Variants in SP3 observed in about 807,000 individuals in gnomAD.
SP3 encodes the protein Sp3 transcription factor, also known as transcription factor Sp3.
SP3 carries 10 observed loss-of-function variants against 70.3 expected under a neutral mutation model. The ratio of observed to expected loss-of-function variants is 0.14; its 90% CI spans 0.09 to 0.24. The LOEUF (loss-of-function observed/expected upper bound fraction) is 0.24. Among genes scored for constraint, SP3 ranks in the 10% least tolerant of loss-of-function variants. SP3 has a pLI of 1.00. For missense variants in SP3, 825 were observed against 914.6 expected, an observed-to-expected ratio of 0.90 and a Z score of 1.26; for synonymous variants, 402 against 333.5, an observed-to-expected ratio of 1.21 and a Z score of -2.24.
chr2:173,949,230 G>A (rs1392940398), intron 4 of SP3, among the ~76,000 whole-genome samples: 1 of 152,096 alleles, frequency 6.6e-6, no homozygotes, highest in African/African-American at 2.4e-5. Flanking sequence ...TTCTGACAGT[G>A]ATCCCTTAGG....
chr2:173,932,224 C>T (rs184459250), intron 4 of SP3, among the ~76,000 whole-genome samples: 3 of 152,276 alleles, frequency 2.0e-5, no homozygotes, highest in East Asian at 3.9e-4. Flanking sequence ...CAGAGTTTTG[C>T]TCTTTTGCCC....
At position 173,904,979 on chromosome 2, in the gene SP3, GA is replaced by G. The variant is rs1467929775; in HGVS notation, c.*4961del. ...CTGAAGATTCTTCGGCTGGTTTTTA[GA>G]AATGTTCAAATAGGATAGACTCTTA... On this transcript the variant is annotated 3_prime_UTR_variant, in exon 7 of 7. Transcript: ENST00000310015. Among the ~76,000 whole-genome samples the G allele has an allele frequency of 3.9e-4, 59 of 152,278 alleles. 1 individual carries two copies. The highest frequency in any genetic ancestry group is 2.9e-5 in the Non-Finnish European group (2 of 68,028).
intron 1 of SP3, chr2:173,964,880 A>G (rs1467719278): frequency 1.6e-5 from 8 of 493,998 alleles, no homozygotes; most frequent in African/African-American, 6.3e-5. Flanking sequence ...ACCGTCAGTC[A>G]CTCACACACG....
Position 173,965,285 on chromosome 2 carries a change from G to T in SP3, c.-114C>A. On this transcript the variant is annotated 5_prime_UTR_variant, in exon 1 of 7. Coordinates refer to ENST00000310015, the MANE Select transcript of SP3 (RefSeq NM_003111.5). ...AGCGGCGGCGGACACGGCCGGAGCG[G>T]TCCGGGGATTTTTTTTTCCTATTTT... 7.9e-7 allele frequency: 1 copy of T among 1,261,860 alleles called. No homozygotes were observed. The highest frequency in any genetic ancestry group is 1.1e-6 in the Non-Finnish European group (1 of 898,620). 78.2% of individuals were successfully genotyped at this position (1,261,860 alleles called of 1,614,324 possible). A position where few individuals can be genotyped will look rare whatever the true frequency, so the allele number is the denominator to read the frequency against.
intron 4 of SP3, among the ~76,000 whole-genome samples, chr2:173,953,908 G>A (rs1243349518): frequency 6.6e-6 from 1 of 152,062 alleles, no homozygotes; most frequent in East Asian, 1.9e-4. Flanking sequence ...ACGGATCTGA[G>A]GTTCTAAGAC....
chr2:173,952,293 A>G (rs1690732462), intron 4 of SP3, among the ~76,000 whole-genome samples: 1 of 152,162 alleles, frequency 6.6e-6, no homozygotes, highest in African/African-American at 2.4e-5. Flanking sequence ...TATGCAGCAA[A>G]AATGCTTTAT....
At chr2:173,939,951 T>C (rs1018899920) in intron 4 of SP3, among the ~76,000 whole-genome samples, 1 of 152,142 alleles carries the variant, frequency 6.6e-6, no homozygotes, top group Admixed American at 6.6e-5. Flanking sequence ...TAACTCACTG[T>C]AGGCTTGACC....
chr2:173,962,764 CCA>C (rs1348346390), intron 3 of SP3, among the ~76,000 whole-genome samples: 1 of 151,808 alleles, frequency 6.6e-6, no homozygotes, highest in African/African-American at 2.4e-5. Flanking sequence ...CTATGATCCA[CCA>C]CACACACACA....
chr2:173,955,929 C>T lies in SP3; in HGVS notation c.583G>A (p.Gly195Arg), dbSNP rs1283250795. ...TGACTGCTTTCTTGATTTATACCCCCATTATCTGAAGAGCCTGTGAAACCA... is the reference window on the plus strand; with the variant it reads ...TGACTGCTTTCTTGATTTATACCCCTATTATCTGAAGAGCCTGTGAAACCA... Reference protein sequence around the residue: ...QIGFTGSSDNGGINQESSQIQ... With the variant: ...QIGFTGSSDNRGINQESSQIQ... The change falls in exon 4 of 7, where the codon GGG (glycine) becomes AGG (arginine). Residue 195 changes from glycine to arginine, a missense_variant. This residue lies in a region of SP3 where 678 missense variants were observed against 651.6 expected (regional missense o/e 1.04). Coordinates refer to ENST00000310015, the MANE Select transcript of SP3 (RefSeq NM_003111.5). 1 of 1,614,198 alleles carries T rather than the reference C, an allele frequency of 6.2e-7. No individual in the cohort carries two copies. Among genetic ancestry groups the T allele is most frequent in the African/African-American group, 1.3e-5 (1 of 75,056 alleles).
At chr2:173,936,027 G>C (rs1480046329) in intron 4 of SP3, among the ~76,000 whole-genome samples, 1 of 151,270 alleles carries the variant, frequency 6.6e-6, no homozygotes, top group Non-Finnish European at 1.5e-5. Flanking sequence ...TACCTTTTTT[G>C]TTTTTTTGGT....
rs1378924048 is a variant in SP3 at position 173,963,941 on chromosome 2, T to A, written c.157-58A>T. The A allele has an allele frequency of 3.2e-6, 4 of 1,233,482 alleles. No homozygotes were observed. In the East Asian group the frequency reaches 1.3e-4, roughly 41 times the overall value. 76.4% of individuals were successfully genotyped at this position (1,233,482 alleles called of 1,614,324 possible). ...CAGGGGGAGGGGGTGGCGGTTAGGG[T>A]CGGGCCGCCTTTCGCACAGGAAGTA... On this transcript the variant is annotated intron_variant, in intron 2 of 6. Coordinates refer to ENST00000310015, the MANE Select transcript of SP3 (RefSeq NM_003111.5).
chr2:173,937,135 T>C (rs1690232293), intron 4 of SP3, among the ~76,000 whole-genome samples: 1 of 152,224 alleles, frequency 6.6e-6, no homozygotes, highest in African/African-American at 2.4e-5. Context: ...GTTGACTATT[T>C]ACATTTTCAC....
Position 173,905,490 on chromosome 2 carries a change from T to C in SP3, c.*4451A>G, listed in dbSNP as rs1382300524. On this transcript the variant is annotated 3_prime_UTR_variant, in exon 7 of 7. Coordinates refer to ENST00000310015, the MANE Select transcript of SP3 (RefSeq NM_003111.5). ...GAAGCAAGAGTTAAAAGGTGAAAAA[T>C]GGGGAAAAGGACTGAAGGAGATAGG... Among the ~76,000 whole-genome samples, 1 of 151,908 alleles carries C rather than the reference T, an allele frequency of 6.6e-6. No homozygotes were observed. Among genetic ancestry groups the C allele is most frequent in the Non-Finnish European group, 1.5e-5 (1 of 67,990 alleles).
chr2:173,941,526 C>A lies in SP3; in HGVS notation c.1639+13347G>T, dbSNP rs565348887. On this transcript the variant is annotated intron_variant, in intron 4 of 6. Transcript: ENST00000310015. ...TTGGGAAGCTGTGGTGGTAAGGTCA[C>A]CTGAGCCCGGAAGGTCCAGGCCAGT... 1.4e-3 allele frequency among the ~76,000 whole-genome samples: 211 copies of A among 152,286 alleles called. 2 individuals carry two copies. The highest frequency in any genetic ancestry group is 3.2e-3 in the Admixed American group (49 of 15,290).
rs200185699 is a variant in SP3, at chr2:173,918,124, T to TA, written c.1832+468dup. Among the ~76,000 whole-genome samples, 139 of 152,208 alleles carry TA rather than the reference T, an allele frequency of 9.1e-4. 1 individual carries two copies. The East Asian group carries it at 0.023, about 25-fold the overall frequency. Reference sequence around the variant, plus strand: ...GTTATTCTGTCTTAATGTTTACCTTTAAAAAGACTGAACTGAAATACAATC... The same window carrying TA: ...GTTATTCTGTCTTAATGTTTACCTTTAAAAAAGACTGAACTGAAATACAATC... On this transcript the variant is annotated intron_variant, in intron 5 of 6. Transcript: ENST00000310015.
chr2:173,959,970 G>A (rs1263070651), intron 3 of SP3, among the ~76,000 whole-genome samples: 1 of 152,128 alleles, frequency 6.6e-6, no homozygotes, highest in Non-Finnish European at 1.5e-5. Flanking sequence ...AGGAGTTCAA[G>A]ACCAGCCTAG....
Position 173,909,836 on chromosome 2 carries a change from CA to C in SP3, c.*104del. ...ATGTATAACCAAGTTACTGTCAATCCAAAAATTTTTGCACATCAATAAAAAG... is the reference window on the plus strand; with the variant it reads ...ATGTATAACCAAGTTACTGTCAATCCAAAATTTTTGCACATCAATAAAAAG... On this transcript the variant is annotated 3_prime_UTR_variant, in exon 7 of 7. Transcript: ENST00000310015. 2 of 1,085,026 alleles carry C rather than the reference CA, an allele frequency of 1.8e-6. No homozygotes were observed. The highest frequency in any genetic ancestry group is 2.7e-5 in the Admixed American group (1 of 37,716). The allele number at this position is 1,085,026 out of a possible 1,614,324, so 67.2% of individuals were successfully genotyped here. A position where few individuals can be genotyped will look rare whatever the true frequency, so the allele number is the denominator to read the frequency against.
In SP3 at chr2:173,964,473, GGCCGCCGCCGCC is replaced by G; in HGVS notation, c.76_87del (p.Gly26_Gly29del). The G allele has an allele frequency of 2.8e-6, 2 of 707,908 alleles. No homozygotes were observed. The highest frequency in any genetic ancestry group is 2.0e-5 in the Admixed American group (1 of 49,884). 43.9% of individuals were successfully genotyped at this position (707,908 alleles called of 1,614,324 possible). Reference sequence around the variant, plus strand: ...TGCTGCTGCTGCAGATACTCGCCGTGGCCGCCGCCGCCGCCACCGCCGCCGCCGCTATCCACG... The same window carrying G: ...TGCTGCTGCTGCAGATACTCGCCGTGGCCACCGCCGCCGCCGCTATCCACG... On this transcript the variant is annotated inframe_deletion, in exon 2 of 7. Coordinates refer to ENST00000310015, the MANE Select transcript of SP3 (RefSeq NM_003111.5).
At chr2:173,957,775 GGA>G (rs1559110210) in intron 3 of SP3, among the ~76,000 whole-genome samples, 1 of 152,124 alleles carries the variant, frequency 6.6e-6, no homozygotes, top group African/African-American at 2.4e-5. Context: ...AAGAAAGGGA[GGA>G]GACTAAAGGC....
Sources: allele counts gnomAD v4.1 joint callset (sites outside exome capture counted in the v4.1 genomes callset), GRCh38; gene constraint gnomAD v4.1.1; regional missense constraint gnomAD v4.1.1; transcripts MANE v1.5; gene names NCBI Gene and HGNC (gene_info 2026-07-23, HGNC 2026-07-21).